The following OR2L13 variants were observed in gnomAD, a reference collection of about 807,000 sequenced individuals.
OR2L13 encodes the protein olfactory receptor 2L13.
A neutral mutation model predicts 15.3 loss-of-function variants in OR2L13; 14 were observed. The observed-to-expected ratio is 0.91, with a 90% CI of 0.60 to 1.43. The LOEUF (loss-of-function observed/expected upper bound fraction) is 1.43, where lower values mean the gene tolerates loss of function less well. Among genes scored for constraint, OR2L13 ranks in the 40% most tolerant of loss-of-function variants. The probability of loss-of-function intolerance (pLI) is 0.00; values close to 1 mark genes in which losing one functional copy is unlikely to be tolerated. For synonymous variants in OR2L13, 152 were observed against 142.9 expected (o/e 1.06, Z -0.45); for missense variants, 367 against 387.9 (o/e 0.95, Z 0.45).
At chr1:247,959,926 CCTTCTTCT>C in the OR2L13 span, among the ~76,000 whole-genome samples, 1 of 86,894 alleles carries the variant, frequency 1.2e-5, no homozygotes, top group Non-Finnish European at 3.0e-5. Context: ...TCATCTGAAG[CCTTCTTCT>C]CTCAACTCGT....
intron 1 of OR2L13, among the ~76,000 whole-genome samples, chr1:248,097,886 G>C (rs1321215022): frequency 1.3e-5 from 2 of 152,172 alleles, no homozygotes; most frequent in African/African-American, 4.8e-5. Context: ...GCCCACTTGG[G>C]GATGGGACAG....
At chr1:248,085,638 T>C in the OR2L13 span, among the ~76,000 whole-genome samples, 1 of 151,940 alleles carries the variant, frequency 6.6e-6, no homozygotes, top group African/African-American at 2.4e-5. Context: ...CATGAAAGCA[T>C]GGGAAAAAAA....
At chr1:248,023,033 G>C in the OR2L13 span, 1 of 714,526 alleles carries the variant, frequency 1.4e-6, no homozygotes, top group Non-Finnish European at 2.2e-6. Flanking sequence ...TGACATTATA[G>C]TTGCATATTC....
the OR2L13 span, chr1:247,965,784 G>T: frequency 6.2e-7 from 1 of 1,600,138 alleles, no homozygotes; most frequent in East Asian, 2.2e-5. Context: ...CTATGCTTAT[G>T]AGCAAGAAGA....
the OR2L13 span, among the ~76,000 whole-genome samples, chr1:248,070,116 C>A: frequency 6.6e-6 from 1 of 152,158 alleles, no homozygotes; most frequent in Non-Finnish European, 1.5e-5. Context: ...AGCTCTGGAC[C>A]AAGCAGACCT....
the OR2L13 span, among the ~76,000 whole-genome samples, chr1:248,074,669 G>A: frequency 6.6e-6 from 1 of 152,098 alleles, no homozygotes; most frequent in African/African-American, 2.4e-5. Context: ...AGACACTGAA[G>A]ACTACTAAAG....
upstream of OR2L13, among the ~76,000 whole-genome samples, chr1:248,090,372 A>G (rs150706620): frequency 5.8e-3 from 857 of 148,156 alleles, 11 homozygotes; most frequent in African/African-American, 0.02. Context: ...CAGAGGTTTC[A>G]TGTACAGATT....
chr1:247,976,248 C>T, the OR2L13 span, among the ~76,000 whole-genome samples: 38 of 152,298 alleles, frequency 2.5e-4, no homozygotes, highest in East Asian at 6.4e-3. Flanking sequence ...TCCCCAGTCA[C>T]ATCACAACAC....
the OR2L13 span, among the ~76,000 whole-genome samples, chr1:247,969,592 A>T: frequency 8.5e-5 from 13 of 152,326 alleles, no homozygotes; most frequent in East Asian, 2.5e-3. Context: ...CTCACTTTCA[A>T]ATTAGTCATA....
At chr1:247,937,465 T>A in the OR2L13 span, 2 of 159,688 alleles carry the variant, frequency 1.3e-5, no homozygotes, top group African/African-American at 4.8e-5. Flanking sequence ...CCTCCTCCCC[T>A]CCCATCAGCA....
chr1:247,950,081 C>T, the OR2L13 span, among the ~76,000 whole-genome samples: 3 of 151,624 alleles, frequency 2.0e-5, no homozygotes, highest in Non-Finnish European at 2.9e-5. Flanking sequence ...TGAAAATGGC[C>T]TAACTGAAGT....
the OR2L13 span, among the ~76,000 whole-genome samples, chr1:248,019,228 T>C: frequency 6.6e-6 from 1 of 152,206 alleles, no homozygotes; most frequent in East Asian, 1.9e-4. Context: ...AAATACAATA[T>C]TTTGATGATT....
chr1:247,948,381 A>G, the OR2L13 span, among the ~76,000 whole-genome samples: 6 of 152,238 alleles, frequency 3.9e-5, no homozygotes, highest in East Asian at 1.9e-4. Flanking sequence ...TGCGTCAGGC[A>G]GTAAACCATT....
the OR2L13 span, among the ~76,000 whole-genome samples, chr1:248,043,068 C>T: frequency 6.6e-6 from 1 of 152,166 alleles, no homozygotes; most frequent in Non-Finnish European, 1.5e-5. Context: ...CTTGCTCCTT[C>T]TGGGTGCCAT....
chr1:247,949,912 GA>G, the OR2L13 span: 16 of 661,642 alleles, frequency 2.4e-5, no homozygotes, highest in Non-Finnish European at 3.7e-5. Flanking sequence ...AACGGAAGAA[GA>G]AAATCACTGA....
chr1:248,005,456 A>G, the OR2L13 span, among the ~76,000 whole-genome samples: 12 of 152,022 alleles, frequency 7.9e-5, no homozygotes, highest in Non-Finnish European at 1.3e-4. Context: ...CCATGTTTGT[A>G]GTATAGTTTG....
the OR2L13 span, chr1:248,038,603 G>C: frequency 6.2e-7 from 1 of 1,614,148 alleles, no homozygotes; most frequent in Middle Eastern, 1.6e-4. Flanking sequence ...CAGAAGGGCT[G>C]CTCCTGACAT....
At chr1:248,083,572 G>C in the OR2L13 span, 4 of 1,081,932 alleles carry the variant, frequency 3.7e-6, no homozygotes, top group African/African-American at 6.3e-5. Flanking sequence ...ACTAAAGGGA[G>C]AGAATTACAA....
the OR2L13 span, among the ~76,000 whole-genome samples, chr1:248,078,856 A>G: frequency 5.3e-5 from 8 of 152,100 alleles, no homozygotes; most frequent in Non-Finnish European, 1.2e-4. Flanking sequence ...ACTTTGTAAA[A>G]AAAAGAAAAG....
Sources: gnomAD v4.1 joint callset for allele counts (sites outside exome capture counted in the v4.1 genomes callset) on GRCh38, gnomAD v4.1.1 for gene constraint, MANE v1.5 for transcripts, NCBI Gene and HGNC (gene_info 2026-07-23, HGNC 2026-07-21) for gene names.